The following PARD3B variants were observed in gnomAD, a reference collection of about 807,000 sequenced individuals.
PARD3B encodes par-3 family cell polarity regulator beta.
Under a neutral mutation model 130.2 loss-of-function variants are expected in PARD3B, and 103 were observed. The ratio of observed to expected loss-of-function variants is 0.79; its 90% confidence interval spans 0.67 to 0.93. PARD3B has a LOEUF of 0.93. Among genes scored for constraint, PARD3B ranks in the 40% least tolerant of loss-of-function variants. The pLI, the probability that PARD3B is intolerant of heterozygous loss-of-function variation, is 0.00. For missense variants in PARD3B, 1,609 were observed against 1,499.2 expected (o/e 1.07, Z -1.21); for synonymous variants, 583 against 553.2 (o/e 1.05, Z -0.76).
intron 22 of PARD3B, among the ~76,000 whole-genome samples, chr2:205,612,357 G>T (rs1441732882): frequency 1.3e-5 from 2 of 152,162 alleles, no homozygotes; most frequent in Non-Finnish European, 2.9e-5. Flanking sequence ...CACCAGGCTG[G>T]TCTCAAACTC....
At chr2:205,156,158 A>G (rs1239495514) in intron 10 of PARD3B, among the ~76,000 whole-genome samples, 4 of 151,560 alleles carry the variant, frequency 2.6e-5, no homozygotes, top group South Asian at 2.1e-4. Context: ...AAACTATCGC[A>G]AGGACAAAAA....
chr2:205,535,186 A>G (rs1333355585), intron 21 of PARD3B, among the ~76,000 whole-genome samples: 2 of 152,156 alleles, frequency 1.3e-5, no homozygotes, highest in African/African-American at 2.4e-5. Context: ...GCATGAATGG[A>G]AAGAGGAAGT....
intron 2 of PARD3B, among the ~76,000 whole-genome samples, chr2:204,946,579 A>G (rs13387670): frequency 0.05 from 7,584 of 152,234 alleles, 633 homozygotes; most frequent in African/African-American, 0.17. Context: ...ACTTTGTTCT[A>G]ATGCTTGGAT....
rs565662623 is a variant in PARD3B at position 204,959,441 on chromosome 2, A to G, written c.223-5711A>G. Among the ~76,000 whole-genome samples, 5 of 152,272 alleles carry G rather than the reference A, an allele frequency of 3.3e-5. No individual in the cohort carries two copies. The South Asian group carries it at 1.0e-3, about 32-fold the overall frequency. ...GTAAATAGTGCTGCAATAAACATGCATCTTCATGTGTCTTTATAGTAGAAT... is the reference window on the plus strand; with the variant it reads ...GTAAATAGTGCTGCAATAAACATGCGTCTTCATGTGTCTTTATAGTAGAAT... On this transcript the variant is annotated intron_variant, in intron 2 of 22. Transcript: ENST00000406610.
intron 18 of PARD3B, among the ~76,000 whole-genome samples, chr2:205,363,832 C>CTT (rs59271830): frequency 2.1e-5 from 2 of 97,202 alleles, no homozygotes; most frequent in South Asian, 3.2e-4. Flanking sequence ...GCCTGACTGA[C>CTT]TTTTTTTTTT....
chr2:205,034,013 G>C (rs1469877238), intron 3 of PARD3B, among the ~76,000 whole-genome samples: 3 of 152,084 alleles, frequency 2.0e-5, no homozygotes, highest in Non-Finnish European at 4.4e-5. Context: ...AGTGTGAATC[G>C]TGTTTATTTT....
intron 18 of PARD3B, among the ~76,000 whole-genome samples, chr2:205,344,044 G>C (rs911646173): frequency 1.3e-5 from 2 of 152,136 alleles, no homozygotes; most frequent in Non-Finnish European, 2.9e-5. Context: ...GTGGTAGGGG[G>C]TTAGGGAAAG....
chr2:204,919,854 C>T (rs1352392580), intron 2 of PARD3B, among the ~76,000 whole-genome samples: 1 of 152,044 alleles, frequency 6.6e-6, no homozygotes, highest in Non-Finnish European at 1.5e-5. Context: ...TTCTCGGAGA[C>T]TTGAAATGAA....
chr2:204,646,741 T>A (rs945032578), intron 1 of PARD3B, among the ~76,000 whole-genome samples: 1 of 152,060 alleles, frequency 6.6e-6, no homozygotes, highest in African/African-American at 2.4e-5. Context: ...GAGTTCTGGT[T>A]CTTCCACATC....
intron 19 of PARD3B, among the ~76,000 whole-genome samples, chr2:205,428,673 T>C (rs931511180): frequency 2.0e-5 from 3 of 152,182 alleles, no homozygotes; most frequent in African/African-American, 7.2e-5. Context: ...ATATCAGTGT[T>C]AAGAATCAAG....
At chr2:205,087,717 A>C (rs1214386341) in intron 4 of PARD3B, among the ~76,000 whole-genome samples, 1 of 152,190 alleles carries the variant, frequency 6.6e-6, no homozygotes, top group Non-Finnish European at 1.5e-5. Context: ...TTGGGCAATC[A>C]ACCTGGGATG....
Position 204,574,146 on chromosome 2 carries a change from C to G in PARD3B, c.120+28027C>G, listed in dbSNP as rs915848241. On this transcript the variant is annotated intron_variant, in intron 1 of 22. Transcript: ENST00000406610. The stretch of plus-strand genomic sequence containing the variant: ...TTGTTGTTTGTTTAGTTATTGTGTA[C>G]AGCTGCCAAGTTGGAGCTGTTTAAG... Among the ~76,000 whole-genome samples the G allele has an allele frequency of 2.5e-4, 38 of 152,268 alleles. No individual in the cohort carries two copies. The Middle Eastern group carries it at 0.017, about 68-fold the overall frequency.
intron 4 of PARD3B, among the ~76,000 whole-genome samples, chr2:205,050,323 A>G (rs1699104565): frequency 6.6e-6 from 1 of 151,974 alleles, no homozygotes; most frequent in Non-Finnish European, 1.5e-5. Context: ...CAAGTGACAG[A>G]TAGTTTAACT....
rs567161152 is a variant in PARD3B, at chr2:204,980,911, C to T, written c.394+15588C>T. Among the ~76,000 whole-genome samples, 6 of 152,198 alleles carry T rather than the reference C, an allele frequency of 3.9e-5. No homozygotes were observed. In the East Asian group the frequency reaches 1.2e-3, roughly 29 times the overall value. ...GGTGAAATCCAAAGGAAATCTGTAG[C>T]CTTGTTAATAGTAATGTATAAATGT... On this transcript the variant is annotated intron_variant, in intron 3 of 22. Transcript: ENST00000406610.
chr2:204,752,923 T>C (rs2040521767), intron 2 of PARD3B, among the ~76,000 whole-genome samples: 3 of 152,154 alleles, frequency 2.0e-5, no homozygotes, highest in South Asian at 4.1e-4. Flanking sequence ...TAATTTTCCA[T>C]GACTATTACA....
chr2:205,479,983 A>G (rs541431197), intron 20 of PARD3B, among the ~76,000 whole-genome samples: 2 of 148,408 alleles, frequency 1.3e-5, no homozygotes, highest in South Asian at 2.2e-4. Context: ...GCCCACTGCA[A>G]CCTCTGCCTC....
Position 204,939,003 on chromosome 2 carries a change from G to T in PARD3B, c.223-26149G>T, listed in dbSNP as rs561011082. Among the ~76,000 whole-genome samples the T allele has an allele frequency of 3.3e-5, 5 of 152,240 alleles. No homozygotes were observed. In the South Asian group the frequency reaches 1.0e-3, roughly 32 times the overall value. Reference sequence around the variant, plus strand: ...CTCCAGGACTATTCCATATTTATATGGCTGGATGGCATCAAATGTACGAAA... The same window carrying T: ...CTCCAGGACTATTCCATATTTATATTGCTGGATGGCATCAAATGTACGAAA... On this transcript the variant is annotated intron_variant, in intron 2 of 22. Transcript: ENST00000406610.
intron 18 of PARD3B, among the ~76,000 whole-genome samples, chr2:205,331,159 T>C (rs1218729420): frequency 6.6e-6 from 1 of 151,966 alleles, no homozygotes; most frequent in African/African-American, 2.4e-5. Context: ...AACACAAGTT[T>C]ACATACATGC....
chr2:204,699,568 G>C (rs1457925058), intron 2 of PARD3B, among the ~76,000 whole-genome samples: 3 of 152,028 alleles, frequency 2.0e-5, no homozygotes, highest in Admixed American at 1.3e-4. Context: ...GGGGGTGGGG[G>C]AGATAAATGT....
Sources: gnomAD v4.1 joint callset for allele counts (sites outside exome capture counted in the v4.1 genomes callset) on GRCh38, gnomAD v4.1.1 for gene constraint, MANE v1.5 for transcripts, NCBI Gene and HGNC (gene_info 2026-07-23, HGNC 2026-07-21) for gene names.